Variants in DOCK1 observed in about 807,000 individuals in gnomAD.
DOCK1 encodes the protein dedicator of cytokinesis protein 1.
A neutral mutation model predicts 262.7 loss-of-function variants in DOCK1; 138 were observed. That is an observed-to-expected ratio of 0.53 (90% CI 0.46 to 0.61). The LOEUF is 0.61. Ranked by LOEUF, DOCK1 falls within the 20% of genes least tolerant of loss-of-function variation. The pLI is 0.00. For synonymous variants in DOCK1, 866 were observed against 867.4 expected, an observed-to-expected ratio of 1.00 and a Z score of 0.03; for missense variants, 1,908 against 2,370.7, an observed-to-expected ratio of 0.80 and a Z score of 4.05.
chr10:126,945,881 G>A (rs1222161926), intron 1 of DOCK1, among the ~76,000 whole-genome samples: 1 of 152,184 alleles, frequency 6.6e-6, no homozygotes, highest in African/African-American at 2.4e-5. Context: ...CACCTCTGCC[G>A]TGCATCTCAT....
At position 126,970,632 on chromosome 10, in the gene DOCK1, G is replaced by A. The variant is rs932131227; in HGVS notation, c.47-70G>A. ...ATTAAAAACAACAACATTAAAACAA[G>A]CCAACACGACTCAGCATGGTCACTT... On this transcript the variant is annotated intron_variant, in intron 1 of 51. Coordinates refer to ENST00000623213, the MANE Select transcript of DOCK1 (RefSeq NM_001290223.2). 7 of 1,231,652 alleles carry A rather than the reference G, an allele frequency of 5.7e-6. No individual in the cohort carries two copies. The African/African-American group carries it at 7.5e-5, about 13-fold the overall frequency. The allele number at this position is 1,231,652 out of a possible 1,614,324, so 76.3% of individuals were successfully genotyped here.
At chr10:127,239,481 C>G (rs1340054887) in intron 27 of DOCK1, among the ~76,000 whole-genome samples, 1 of 151,968 alleles carries the variant, frequency 6.6e-6, no homozygotes, top group African/African-American at 2.4e-5. Flanking sequence ...ATACATCATC[C>G]AACCAATGTT....
At chr10:127,194,570 A>G (rs1411514212) in intron 27 of DOCK1, among the ~76,000 whole-genome samples, 3 of 152,218 alleles carry the variant, frequency 2.0e-5, no homozygotes, top group Non-Finnish European at 4.4e-5. Flanking sequence ...AATAAGGGTT[A>G]TATCATTTTC....
At chr10:127,197,249 C>A (rs1025339466) in intron 27 of DOCK1, among the ~76,000 whole-genome samples, 8 of 152,268 alleles carry the variant, frequency 5.3e-5, no homozygotes, top group East Asian at 3.9e-4. Flanking sequence ...CCCTACCCCC[C>A]ATCCAGAGCA....
chr10:127,403,615 C>T lies in DOCK1; in HGVS notation c.4017+471C>T, dbSNP rs116270726. On this transcript the variant is annotated intron_variant, in intron 39 of 51. Transcript: ENST00000623213. The stretch of plus-strand genomic sequence containing the variant: ...TCTACTAAAAATACAACAAAGTAGC[C>T]GGGCGTGGTAGCACACGCCTGTAGT... 9.2e-3 allele frequency among the ~76,000 whole-genome samples: 1,404 copies of T among 152,258 alleles called. 20 individuals are homozygous for T. Among genetic ancestry groups the T allele is most frequent in the African/African-American group, 0.032 (1,324 of 41,556 alleles).
chr10:127,009,936 G>C (rs2041304799), intron 11 of DOCK1, among the ~76,000 whole-genome samples: 1 of 152,164 alleles, frequency 6.6e-6, no homozygotes, highest in Admixed American at 6.5e-5. Flanking sequence ...TTCTTTGCAG[G>C]CGGGCGATGT....
chr10:127,140,075 A>G (rs1412089523), intron 27 of DOCK1, among the ~76,000 whole-genome samples: 3 of 152,176 alleles, frequency 2.0e-5, no homozygotes, highest in Non-Finnish European at 4.4e-5. Context: ...TGTTCTCCAG[A>G]TCGTAACCGT....
intron 31 of DOCK1, among the ~76,000 whole-genome samples, chr10:127,345,652 C>T (rs1014195210): frequency 1.3e-5 from 2 of 152,180 alleles, no homozygotes; most frequent in Non-Finnish European, 2.9e-5. Context: ...AGTGGGTGCT[C>T]GCCTGTGACT....
At chr10:127,017,451 A>G (rs1196678193) in intron 12 of DOCK1, among the ~76,000 whole-genome samples, 1 of 152,002 alleles carries the variant, frequency 6.6e-6, no homozygotes, top group Non-Finnish European at 1.5e-5. Flanking sequence ...ACACAGACAG[A>G]CACAGATTTA....
rs958852298 is a variant in DOCK1, at chr10:126,921,147, C to T, written c.46+15584C>T. Among the ~76,000 whole-genome samples the T allele has an allele frequency of 2.0e-5, 3 of 149,914 alleles. No homozygotes were observed. The East Asian group carries it at 5.9e-4, about 29-fold the overall frequency. ...TCTGGGAGGCAGAGGTTGCAGTGAG[C>T]CGAGGTCGCACCATTGCACTCCAGT... On this transcript the variant is annotated intron_variant, in intron 1 of 51. Coordinates refer to ENST00000623213, the MANE Select transcript of DOCK1 (RefSeq NM_001290223.2).
chr10:127,317,890 G>A (rs1314191076), intron 29 of DOCK1, among the ~76,000 whole-genome samples: 2 of 152,100 alleles, frequency 1.3e-5, no homozygotes, highest in Non-Finnish European at 2.9e-5. Flanking sequence ...TGACAACAGT[G>A]CAGTTTGTAC....
rs542539023 is a variant in DOCK1, at chr10:127,324,390, T to G, written c.3045-14616T>G. Among the ~76,000 whole-genome samples, 4 of 152,334 alleles carry G rather than the reference T, an allele frequency of 2.6e-5. No individual in the cohort carries two copies. The South Asian group carries it at 8.3e-4, about 32-fold the overall frequency. On this transcript the variant is annotated intron_variant, in intron 29 of 51. Coordinates refer to ENST00000623213, the MANE Select transcript of DOCK1 (RefSeq NM_001290223.2). ...ATCAGAAATGCCTGGAAAGTAGATT[T>G]CTTGCAGGGCAGATGGAGAAGACAG...
intron 2 of DOCK1, among the ~76,000 whole-genome samples, 154 bp from the exon 3 acceptor site, chr10:126,977,794 G>A (rs1225376809): frequency 6.6e-6 from 1 of 152,122 alleles, no homozygotes; most frequent in East Asian, 1.9e-4. Flanking sequence ...AAACCACGTA[G>A]TATATCTCCA....
chr10:127,248,071 T>G lies in DOCK1; in HGVS notation c.2911T>G (p.Leu971Val), dbSNP rs756081289. ...RQMEDYHYAH[L>V]IKTFGKMRTD... ...AATGGAAGATTACCATTATGCCCACTTGATCAAGACTTTTGGGAAAATGAG... is the reference window on the plus strand; with the variant it reads ...AATGGAAGATTACCATTATGCCCACGTGATCAAGACTTTTGGGAAAATGAG... Residue 971 changes from leucine (L) to valine (V), a missense_variant, in exon 28 of 52, where the codon TTG (leucine) becomes GTG (valine). Coordinates refer to ENST00000623213, the MANE Select transcript of DOCK1 (RefSeq NM_001290223.2). 6 of 1,614,050 alleles carry G rather than the reference T, an allele frequency of 3.7e-6. No homozygotes were observed. The South Asian group carries it at 6.6e-5, about 18-fold the overall frequency.
intron 19 of DOCK1, among the ~76,000 whole-genome samples, chr10:127,039,007 A>G (rs2043842783): frequency 6.6e-6 from 1 of 151,886 alleles, no homozygotes; most frequent in Non-Finnish European, 1.5e-5. Context: ...TCAGTTCCTC[A>G]CTCTCTAGGA....
At chr10:126,943,131 G>A (rs1315383983) in intron 1 of DOCK1, among the ~76,000 whole-genome samples, 9 of 151,282 alleles carry the variant, frequency 5.9e-5, no homozygotes, top group Admixed American at 5.9e-4. Flanking sequence ...GTGTGTGCCT[G>A]TAATCCCAGC....
intron 27 of DOCK1, among the ~76,000 whole-genome samples, chr10:127,215,232 G>A (rs2058153399): frequency 6.6e-6 from 1 of 152,126 alleles, no homozygotes; most frequent in Admixed American, 6.5e-5. Flanking sequence ...GGATCCATGA[G>A]TGGCTGTTTG....
chr10:127,141,682 A>C (rs9418746), intron 27 of DOCK1, among the ~76,000 whole-genome samples: 36,809 of 151,770 alleles, frequency 0.24, 5,338 homozygotes, highest in Middle Eastern at 0.43. Context: ...AAAACAAAAA[A>C]AAAAAAAAAG....
chr10:127,398,767 T>C (rs534265908), intron 38 of DOCK1, among the ~76,000 whole-genome samples: 1 of 152,348 alleles, frequency 6.6e-6, no homozygotes, highest in African/African-American at 2.4e-5. Flanking sequence ...TGGTGAGTCA[T>C]CGCCAGCCTG....
Sources: allele counts gnomAD v4.1 joint callset (sites outside exome capture counted in the v4.1 genomes callset), GRCh38; gene constraint gnomAD v4.1.1; transcripts MANE v1.5; gene names NCBI Gene and HGNC (gene_info 2026-07-23, HGNC 2026-07-21).